The following SH3PXD2B variants were observed in gnomAD, a reference collection of about 807,000 sequenced individuals.
SH3PXD2B encodes SH3 and PX domains 2B, also known as SH3 and PX domain-containing protein 2B.
Under a neutral mutation model 73.1 loss-of-function variants are expected in SH3PXD2B, and 37 were observed. That is an observed-to-expected ratio of 0.51 (90% confidence interval 0.39 to 0.67). SH3PXD2B has a LOEUF of 0.67. Among genes scored for constraint, SH3PXD2B ranks in the 30% least tolerant of loss-of-function variants. The pLI, the probability that SH3PXD2B is intolerant of heterozygous loss-of-function variation, is 0.00. For synonymous variants in SH3PXD2B, 457 were observed against 480.5 expected, an observed-to-expected ratio of 0.95 and a Z score of 0.64; for missense variants, 1,053 against 1,197.8, an observed-to-expected ratio of 0.88 and a Z score of 1.78.
intron 6 of SH3PXD2B, among the ~76,000 whole-genome samples, chr5:172,372,882 C>T (rs1487721009): frequency 6.6e-6 from 1 of 152,134 alleles, no homozygotes; most frequent in Admixed American, 6.5e-5. Context: ...CACATTGGCT[C>T]CAGGTAAGGT....
chr5:172,414,751 G>C (rs1227253256), intron 2 of SH3PXD2B, among the ~76,000 whole-genome samples: 1 of 152,248 alleles, frequency 6.6e-6, no homozygotes, highest in Non-Finnish European at 1.5e-5. Flanking sequence ...CCTTCTTACA[G>C]ATGAGGCTGG....
intron 5 of SH3PXD2B, 21 bp from the exon 6 acceptor site, chr5:172,373,836 G>A: frequency 6.2e-7 from 1 of 1,613,824 alleles, no homozygotes; most frequent in Non-Finnish European, 8.5e-7. Flanking sequence ...AAGAAAGGGG[G>A]TGGGAAGAGT....
downstream of SH3PXD2B, among the ~76,000 whole-genome samples, chr5:172,332,950 T>C (rs993140181): frequency 1.3e-5 from 2 of 151,358 alleles, no homozygotes; most frequent in African/African-American, 2.4e-5. Context: ...TTTTTTTTTT[T>C]TTTGAGACCG....
At chr5:172,411,032 G>T (rs976230026) in intron 2 of SH3PXD2B, among the ~76,000 whole-genome samples, 1 of 152,160 alleles carries the variant, frequency 6.6e-6, no homozygotes, top group African/African-American at 2.4e-5. Flanking sequence ...CTGAGATGAG[G>T]TAAGTTTAAT....
intron 2 of SH3PXD2B, among the ~76,000 whole-genome samples, chr5:172,415,044 T>C (rs1172113252): frequency 6.6e-6 from 1 of 152,184 alleles, no homozygotes; most frequent in African/African-American, 2.4e-5. Flanking sequence ...AACACCTGGA[T>C]TTCTCTCTAT....
At chr5:172,401,029 A>C (rs998342915) in intron 3 of SH3PXD2B, among the ~76,000 whole-genome samples, 1 of 152,234 alleles carries the variant, frequency 6.6e-6, no homozygotes, top group Non-Finnish European at 1.5e-5. Flanking sequence ...GCGTTACATC[A>C]ATCTATTCAA....
At chr5:172,388,985 G>A (rs1758114237) in intron 4 of SH3PXD2B, among the ~76,000 whole-genome samples, 1 of 152,152 alleles carries the variant, frequency 6.6e-6, no homozygotes, top group Non-Finnish European at 1.5e-5. Context: ...TTAGAAGACA[G>A]AAGAGTCTGG....
At chr5:172,412,373 T>G (rs1397054217) in intron 2 of SH3PXD2B, among the ~76,000 whole-genome samples, 3 of 152,208 alleles carry the variant, frequency 2.0e-5, no homozygotes, top group Non-Finnish European at 4.4e-5. Context: ...GAGCTCAATT[T>G]AAAAATTTTC....
At chr5:172,363,942 G>T (rs1290316957) in intron 6 of SH3PXD2B, among the ~76,000 whole-genome samples, 1 of 152,174 alleles carries the variant, frequency 6.6e-6, no homozygotes, top group Non-Finnish European at 1.5e-5. Flanking sequence ...AAGAAAGCAG[G>T]AGACTAGCTG....
At chr5:172,411,485 A>C (rs1427299667) in intron 2 of SH3PXD2B, among the ~76,000 whole-genome samples, 2 of 152,168 alleles carry the variant, frequency 1.3e-5, no homozygotes, top group Non-Finnish European at 2.9e-5. Context: ...ATCTGGGTTT[A>C]AATACTGCAT....
At chr5:172,419,224 G>C (rs529759030) in intron 2 of SH3PXD2B, among the ~76,000 whole-genome samples, 1 of 152,284 alleles carries the variant, frequency 6.6e-6, no homozygotes, top group East Asian at 1.9e-4. Flanking sequence ...CTGGAACAGG[G>C]AACTCAGAGA....
intron 1 of SH3PXD2B, among the ~76,000 whole-genome samples, chr5:172,447,483 C>T (rs1277164483): frequency 6.6e-6 from 1 of 152,174 alleles, no homozygotes; most frequent in Non-Finnish European, 1.5e-5. Context: ...TAGGTTTGTA[C>T]ACTCCTAATA....
intron 11 of SH3PXD2B, among the ~76,000 whole-genome samples, chr5:172,346,560 C>A (rs187062771): frequency 2.7e-4 from 41 of 152,108 alleles, no homozygotes; most frequent in Admixed American, 5.2e-4. Context: ...GTGGAGGGAG[C>A]TTAAGTTTAT....
In SH3PXD2B at chr5:172,334,013, G is replaced by A. The variant is rs1756628596; in HGVS notation, c.*4356C>T. 1 of 1,187,504 alleles carries A rather than the reference G, an allele frequency of 8.4e-7. No homozygotes were observed. The highest frequency in any genetic ancestry group is 1.1e-6 in the Non-Finnish European group (1 of 946,362). The allele number at this position is 1,187,504 out of a possible 1,614,324, so 73.6% of individuals were successfully genotyped here. On this transcript the variant is annotated 3_prime_UTR_variant, in exon 13 of 13. Coordinates refer to ENST00000311601, the MANE Select transcript of SH3PXD2B (RefSeq NM_001017995.3). ...GGGCACCTTCTTTTTTACATGAATA[G>A]GACATCTAAAAGTGAAGGCTACCGA...
intron 5 of SH3PXD2B, among the ~76,000 whole-genome samples, chr5:172,375,538 C>T (rs1192865922): frequency 6.6e-6 from 1 of 152,192 alleles, no homozygotes; most frequent in Non-Finnish European, 1.5e-5. Flanking sequence ...TTGGCAACCA[C>T]AAATCCTGCT....
At chr5:172,388,611 C>T (rs962565188) in intron 4 of SH3PXD2B, among the ~76,000 whole-genome samples, 3 of 152,192 alleles carry the variant, frequency 2.0e-5, no homozygotes, top group East Asian at 1.9e-4. Context: ...GTATTACTCT[C>T]GGATTTTAAA....
At chr5:172,325,313 G>T (rs1756427336) in exon 13 of SH3PXD2B, 1 of 1,535,484 alleles carries the variant, frequency 6.5e-7, no homozygotes, top group Non-Finnish European at 8.7e-7. Flanking sequence ...CTTCCCAAGT[G>T]CTGTCCGCAT....
At position 172,353,051 on chromosome 5, in the gene SH3PXD2B, G is replaced by T. The variant is rs991787916; in HGVS notation, c.785+837C>A. 6.6e-6 allele frequency among the ~76,000 whole-genome samples: 1 copy of T among 152,076 alleles called. No homozygotes were observed. The highest frequency in any genetic ancestry group is 2.4e-5 in the African/African-American group (1 of 41,390). On this transcript the variant is annotated intron_variant, in intron 9 of 12. Coordinates refer to ENST00000311601, the MANE Select transcript of SH3PXD2B (RefSeq NM_001017995.3). The surrounding 1 kb of genome is among the most constrained non-coding windows in gnomAD (Gnocchi z 4.3). ...CTGCTCTATCACCGTTTATGAGTTT[G>T]TCTTCTGTACCAGGTGGTGTGAGCT...
At chr5:172,412,288 T>C (rs1255174992) in intron 2 of SH3PXD2B, among the ~76,000 whole-genome samples, 1 of 152,224 alleles carries the variant, frequency 6.6e-6, no homozygotes, top group Non-Finnish European at 1.5e-5. Context: ...GTGTTCTACA[T>C]CTTGCTGTCC....
Sources: allele counts gnomAD v4.1 joint callset (sites outside exome capture counted in the v4.1 genomes callset), GRCh38; gene constraint gnomAD v4.1.1; non-coding constraint Gnocchi (gnomAD v3.1); transcripts MANE v1.5; gene names NCBI Gene and HGNC (gene_info 2026-07-23, HGNC 2026-07-21).